Variants in SH3D19 observed in about 807,000 individuals in gnomAD.
SH3D19 encodes the protein SH3 domain containing 19, also known as SH3 domain-containing protein 19.
A neutral mutation model predicts 112.1 loss-of-function variants in SH3D19; 58 were observed. The observed-to-expected ratio is 0.52, with a 90% CI of 0.42 to 0.64. The LOEUF is 0.64. Ranked by LOEUF, SH3D19 falls within the 30% of genes least tolerant of loss-of-function variation. The probability of loss-of-function intolerance (pLI) is 0.00; values close to 1 mark genes in which losing one functional copy is unlikely to be tolerated. For synonymous variants in SH3D19, 391 were observed against 448.5 expected (o/e 0.87, Z 1.62); for missense variants, 1,090 against 1,263.4 (o/e 0.86, Z 2.08).
At chr4:151,150,228 T>C (rs28473205) in intron 9 of SH3D19, among the ~76,000 whole-genome samples, 1,656 of 47,276 alleles carry the variant, frequency 0.035, 85 homozygotes, top group African/African-American at 0.072. Flanking sequence ...TATATATATA[T>C]ACACACACAC....
Position 151,128,272 on chromosome 4 carries a change from C to T in SH3D19, c.2827G>A (p.Asp943Asn), listed in dbSNP as rs756619827. 2.5e-6 allele frequency: 4 copies of T among 1,614,132 alleles called. No homozygotes were observed. The highest frequency in any genetic ancestry group is 3.4e-6 in the Non-Finnish European group (4 of 1,180,012). Reference protein sequence around the residue: ...TSDDLSFKRGDRIQILERLDS... With the variant: ...TSDDLSFKRGNRIQILERLDS... ...AGACGTTCCAGAATCTGGATCCGGT[C>T]TCCCCTCTTGAATGATAAGTCATCA... Residue 943 changes from aspartate to asparagine, a missense_variant, in exon 18 of 20, where the codon GAC becomes AAC. Coordinates refer to ENST00000604030, the MANE Select transcript of SH3D19 (RefSeq NM_001378122.1).
intron 1 of SH3D19, among the ~76,000 whole-genome samples, chr4:151,248,244 G>GT (rs763811680): frequency 5.9e-5 from 9 of 152,102 alleles, no homozygotes; most frequent in Non-Finnish European, 1.2e-4. Context: ...GATTACAGGT[G>GT]TAAGTCACCG....
At chr4:151,274,808 A>C (rs908426457) in intron 1 of SH3D19, among the ~76,000 whole-genome samples, 1 of 152,180 alleles carries the variant, frequency 6.6e-6, no homozygotes, top group Non-Finnish European at 1.5e-5. Context: ...ATTTCCTCAC[A>C]GTTCTGGAGG....
chr4:151,289,451 C>T (rs1224385055), intron 1 of SH3D19, among the ~76,000 whole-genome samples: 8 of 151,910 alleles, frequency 5.3e-5, no homozygotes, highest in East Asian at 3.9e-4. Context: ...GCCTATGAAA[C>T]GGAAGAAAAT....
chr4:151,209,728 CT>C (rs1161152023), intron 2 of SH3D19, among the ~76,000 whole-genome samples: 5 of 152,150 alleles, frequency 3.3e-5, no homozygotes, highest in Admixed American at 6.5e-5. Context: ...CAAATACAGG[CT>C]TAAGAGTTAT....
Position 151,182,203 on chromosome 4 carries a change from G to T in SH3D19, c.194-2806C>A, listed in dbSNP as rs1291366661. The stretch of plus-strand genomic sequence containing the variant: ...GGGGTTTTGCTATGCTGCCCAGACT[G>T]GTCTCGACTTCCTGACCTCAAGTGA... On this transcript the variant is annotated intron_variant, in intron 3 of 19. Transcript: ENST00000604030. Among the ~76,000 whole-genome samples the T allele has an allele frequency of 2.6e-5, 4 of 152,038 alleles. No individual in the cohort carries two copies. In the East Asian group the frequency reaches 7.7e-4, roughly 29 times the overall value.
chr4:151,210,565 C>G (rs1285619014), intron 2 of SH3D19, among the ~76,000 whole-genome samples: 2 of 152,064 alleles, frequency 1.3e-5, no homozygotes, highest in Non-Finnish European at 2.9e-5. Context: ...CCACACCTGG[C>G]TAATTTTTTG....
intron 1 of SH3D19, among the ~76,000 whole-genome samples, chr4:151,237,359 A>C (rs1052899711): frequency 9.9e-5 from 15 of 151,980 alleles, no homozygotes; most frequent in African/African-American, 3.4e-4. Context: ...TGCATTGCTT[A>C]GGTTAATTTG....
chr4:151,291,104 C>T (rs2150019096), intron 1 of SH3D19: 1 of 1,588,314 alleles, frequency 6.3e-7, no homozygotes, highest in Non-Finnish European at 8.6e-7. Flanking sequence ...CATTACCTTT[C>T]ATTTCTTCCT....
At chr4:151,153,144 T>C (rs1755388544) in intron 9 of SH3D19, among the ~76,000 whole-genome samples, 2 of 152,056 alleles carry the variant, frequency 1.3e-5, no homozygotes, top group African/African-American at 4.8e-5. Context: ...GCTATATTTT[T>C]TTAAAAAAAC....
At chr4:151,248,826 A>C (rs1771141740) in intron 1 of SH3D19, among the ~76,000 whole-genome samples, 1 of 152,146 alleles carries the variant, frequency 6.6e-6, no homozygotes, top group South Asian at 2.1e-4. Flanking sequence ...ACAAAACAAA[A>C]CAAAATGCAA....
At chr4:151,296,562 T>C (rs1407514428) in intron 1 of SH3D19, among the ~76,000 whole-genome samples, 2 of 152,198 alleles carry the variant, frequency 1.3e-5, no homozygotes, top group Non-Finnish European at 2.9e-5. Flanking sequence ...TGGTAACTAA[T>C]TTAATCAGTA....
At chr4:151,158,531 C>G (rs1467530649) in intron 9 of SH3D19, among the ~76,000 whole-genome samples, 1 of 151,930 alleles carries the variant, frequency 6.6e-6, no homozygotes, top group Non-Finnish European at 1.5e-5. Flanking sequence ...AACTCCTGAC[C>G]TCAGGTAATC....
intron 1 of SH3D19, among the ~76,000 whole-genome samples, chr4:151,323,876 T>C (rs1730784649): frequency 6.6e-6 from 1 of 152,234 alleles, no homozygotes. Context: ...CTTGTGAGAA[T>C]GAAGCTTTCT....
At chr4:151,268,447 T>C (rs1370479784) in intron 1 of SH3D19, among the ~76,000 whole-genome samples, 1 of 152,018 alleles carries the variant, frequency 6.6e-6, no homozygotes, top group Non-Finnish European at 1.5e-5. Context: ...TGTATTTTTT[T>C]ATTATTATTA....
intron 1 of SH3D19, among the ~76,000 whole-genome samples, chr4:151,255,310 C>G (rs1490517985): frequency 7.2e-6 from 1 of 139,142 alleles, no homozygotes; most frequent in Admixed American, 7.2e-5. Context: ...ACTTCTCAGA[C>G]GGGGCGGCCG....
At chr4:151,258,876 A>C (rs1295600258) in intron 1 of SH3D19, among the ~76,000 whole-genome samples, 1 of 152,090 alleles carries the variant, frequency 6.6e-6, no homozygotes, top group East Asian at 1.9e-4. Context: ...CCCTCAGGAC[A>C]GAGACACGGG....
At chr4:151,131,046 A>T (rs1236128531) in intron 17 of SH3D19, among the ~76,000 whole-genome samples, 1 of 151,990 alleles carries the variant, frequency 6.6e-6, no homozygotes, top group African/African-American at 2.4e-5. Flanking sequence ...ATTTCCTTCC[A>T]GTCTTTTTAT....
chr4:151,213,794 C>T (rs1374212032), intron 2 of SH3D19, among the ~76,000 whole-genome samples: 3 of 151,822 alleles, frequency 2.0e-5, no homozygotes, highest in Non-Finnish European at 4.4e-5. Context: ...TTAGCTAATC[C>T]TCCTGCCTCA....
Sources: gnomAD v4.1 joint callset for allele counts (sites outside exome capture counted in the v4.1 genomes callset) on GRCh38, gnomAD v4.1.1 for gene constraint, MANE v1.5 for transcripts, NCBI Gene and HGNC (gene_info 2026-07-23, HGNC 2026-07-21) for gene names.